CSTPP1: variants seen among roughly 807,000 people sequenced by gnomAD.
CSTPP1 encodes centriolar satellite-associated tubulin polyglutamylase complex regulator 1.
chr11:47,010,460 G>A, the CSTPP1 span, among the ~76,000 whole-genome samples: 1 of 152,204 alleles, frequency 6.6e-6, no homozygotes, highest in Middle Eastern at 3.2e-3. Flanking sequence ...GGATCAGACT[G>A]TTGTGGTGAG....
chr11:47,080,066 A>T, the CSTPP1 span, among the ~76,000 whole-genome samples: 2 of 152,154 alleles, frequency 1.3e-5, no homozygotes, highest in African/African-American at 4.8e-5. Context: ...ATTGTACTGC[A>T]GCCTGGGAAA....
the CSTPP1 span, among the ~76,000 whole-genome samples, chr11:47,140,839 G>A: frequency 2.9e-3 from 436 of 151,806 alleles, 2 homozygotes; most frequent in African/African-American, 1.0e-2. Context: ...GGTGGCTCAC[G>A]CCTGTAATCC....
the CSTPP1 span, chr11:47,157,834 CAA>C: frequency 1.2e-6 from 2 of 1,613,990 alleles, no homozygotes; most frequent in Admixed American, 3.3e-5. Flanking sequence ...CAGCACTTGT[CAA>C]AGAGGCCCTC....
At chr11:47,038,192 G>A in the CSTPP1 span, among the ~76,000 whole-genome samples, 1 of 103,724 alleles carries the variant, frequency 9.6e-6, no homozygotes, top group Non-Finnish European at 2.4e-5. Context: ...GCGGCTGGCC[G>A]GGCAGAGGGA....
the CSTPP1 span, among the ~76,000 whole-genome samples, chr11:46,981,977 G>C: frequency 1.6e-3 from 250 of 151,730 alleles, no homozygotes; most frequent in Non-Finnish European, 3.2e-3. Flanking sequence ...AAATTTTAGA[G>C]GTCTATTAAC....
the CSTPP1 span, among the ~76,000 whole-genome samples, chr11:46,985,828 G>A: frequency 1.3e-5 from 2 of 152,128 alleles, no homozygotes; most frequent in Non-Finnish European, 2.9e-5. Context: ...ATTTTACCAT[G>A]AAGAATAGGC....
chr11:47,080,698 A>G, the CSTPP1 span, among the ~76,000 whole-genome samples: 1 of 151,958 alleles, frequency 6.6e-6, no homozygotes, highest in East Asian at 1.9e-4. Context: ...ATATACTAAA[A>G]TCAATAATTT....
At chr11:47,026,544 T>A in the CSTPP1 span, among the ~76,000 whole-genome samples, 3 of 152,218 alleles carry the variant, frequency 2.0e-5, no homozygotes, top group Non-Finnish European at 4.4e-5. Context: ...TCATATCTTT[T>A]AAATTTTTAA....
the CSTPP1 span, among the ~76,000 whole-genome samples, chr11:47,036,230 A>ATTATATTT: frequency 2.3e-5 from 1 of 43,858 alleles, no homozygotes; most frequent in Non-Finnish European, 5.5e-5. Context: ...TAATATATAT[A>ATTATATTT]ATATATTATA....
the CSTPP1 span, among the ~76,000 whole-genome samples, chr11:47,037,965 G>A: frequency 3.2e-5 from 4 of 125,762 alleles, 1 homozygote; most frequent in Non-Finnish European, 5.7e-5. Context: ...AGGGGCGGCC[G>A]GGCAGAGGGC....
the CSTPP1 span, among the ~76,000 whole-genome samples, chr11:47,020,522 G>C: frequency 6.6e-6 from 1 of 151,918 alleles, no homozygotes; most frequent in Non-Finnish European, 1.5e-5. Flanking sequence ...ATTCTACCAA[G>C]CTAACCCATT....
At chr11:47,082,149 CAAA>C in the CSTPP1 span, among the ~76,000 whole-genome samples, 4 of 83,292 alleles carry the variant, frequency 4.8e-5, no homozygotes, top group Non-Finnish European at 7.2e-5. Flanking sequence ...GACCCTGTCT[CAAA>C]AAAAAAAAAA....
the CSTPP1 span, among the ~76,000 whole-genome samples, chr11:47,138,377 G>C: frequency 6.6e-6 from 1 of 152,172 alleles, no homozygotes; most frequent in East Asian, 1.9e-4. Flanking sequence ...ATTACAATTC[G>C]GGTTGAGATT....
chr11:47,114,810 A>AATAC, the CSTPP1 span, among the ~76,000 whole-genome samples: 12 of 152,290 alleles, frequency 7.9e-5, no homozygotes, highest in Non-Finnish European at 1.3e-4. Context: ...ATCCTAATTG[A>AATAC]ATACCCTTTA....
the CSTPP1 span, among the ~76,000 whole-genome samples, chr11:47,142,121 T>C: frequency 6.6e-6 from 1 of 150,852 alleles, no homozygotes; most frequent in Non-Finnish European, 1.5e-5. Flanking sequence ...TGCACGCCAG[T>C]AGTCCCAGCT....
the CSTPP1 span, among the ~76,000 whole-genome samples, chr11:46,969,851 G>A: frequency 5.3e-5 from 8 of 151,990 alleles, no homozygotes; most frequent in African/African-American, 1.7e-4. Context: ...TGCAACCTCC[G>A]CCTCCTGGGT....
At chr11:46,987,114 G>A in the CSTPP1 span, 1 of 1,183,050 alleles carries the variant, frequency 8.5e-7, no homozygotes, top group African/African-American at 1.5e-5. Context: ...CCAACACCTG[G>A]ATTGCCTTAC....
At chr11:47,052,680 G>C in the CSTPP1 span, 1 of 952,414 alleles carries the variant, frequency 1.0e-6, no homozygotes, top group East Asian at 2.9e-5. Flanking sequence ...TGCTATTCAA[G>C]GCATTTAGAA....
At chr11:46,958,839 G>A in the CSTPP1 span, among the ~76,000 whole-genome samples, 2 of 152,180 alleles carry the variant, frequency 1.3e-5, no homozygotes, top group African/African-American at 4.8e-5. Context: ...TGGTGTCCCA[G>A]GGCAAGATGA....
Sources: gnomAD v4.1 joint callset for allele counts (sites outside exome capture counted in the v4.1 genomes callset) on GRCh38, gnomAD v4.1.1 for gene constraint, MANE v1.5 for transcripts, NCBI Gene and HGNC (gene_info 2026-07-23, HGNC 2026-07-21) for gene names.